GRIK3: variants seen among roughly 807,000 people sequenced by gnomAD.
The protein encoded by GRIK3 is glutamate receptor ionotropic, kainate 3.
In GRIK3, 29 loss-of-function variants were observed where a neutral mutation model predicts 102.5. The ratio of observed to expected loss-of-function variants is 0.28; its 90% CI spans 0.21 to 0.39. GRIK3 has a LOEUF of 0.39. GRIK3 is among the 10% of genes least tolerant of loss of function. The pLI is 1.00. For synonymous variants in GRIK3, 511 were observed against 504.9 expected, an observed-to-expected ratio of 1.01 and a Z score of -0.16; for missense variants, 908 against 1,252.4, an observed-to-expected ratio of 0.73 and a Z score of 4.15.
intron 15 of GRIK3, among the ~76,000 whole-genome samples, chr1:36,803,077 A>G (rs1642459570): frequency 6.6e-6 from 1 of 152,152 alleles, no homozygotes; most frequent in South Asian, 2.1e-4. Flanking sequence ...CACGTGAACA[A>G]ATAAATAATT....
Position 36,880,710 on chromosome 1 carries a change from C to A in GRIK3, c.474G>T (p.Ser158=). 6.2e-7 allele frequency: 1 copy of A among 1,614,102 alleles called. No homozygotes were observed. Among genetic ancestry groups the A allele is most frequent in the East Asian group, 2.2e-5 (1 of 44,880 alleles). ...FYVNLYPDYA[S]LSHAILDLVQ... ...CCAGGTCGAGGATGGCATGGCTGAG[C>A]GAGGCGTAGTCGGGGTAGAGGTTCA... The change falls in exon 3 of 16, where the codon TCG becomes TCT. Residue 158 remains serine (S), a synonymous_variant. Transcript: ENST00000373091. This position sits in a 1 kb window ranked among gnomAD's most constrained non-coding sequence, Gnocchi z 5.4.
chr1:36,848,304 C>A (rs769393615), intron 9 of GRIK3, among the ~76,000 whole-genome samples: 12 of 152,162 alleles, frequency 7.9e-5, no homozygotes, highest in African/African-American at 1.2e-4. Context: ...GACTGACTCA[C>A]CTTAGCTCAT....
chr1:36,879,560 G>C lies in GRIK3; in HGVS notation c.550+1074C>G, dbSNP rs945214332. On this transcript the variant is annotated intron_variant, in intron 3 of 15. Coordinates refer to ENST00000373091, the MANE Select transcript of GRIK3 (RefSeq NM_000831.4). ...AGGAAAAGCCAGAGTGCGTTTGCTG[G>C]GTTTGTTGGTGGTTATCTGCTAGGT... 1.4e-4 allele frequency among the ~76,000 whole-genome samples: 22 copies of C among 152,198 alleles called. 1 individual carries two copies. The highest frequency in any genetic ancestry group is 4.1e-4 in the South Asian group (2 of 4,826).
At chr1:36,894,260 G>A (rs1641148730) in intron 1 of GRIK3, among the ~76,000 whole-genome samples, 1 of 152,256 alleles carries the variant, frequency 6.6e-6, no homozygotes, top group Non-Finnish European at 1.5e-5. Context: ...GCAATAGGTG[G>A]TCTTTTCATC....
chr1:36,832,111 T>C (rs1451998520), intron 10 of GRIK3, among the ~76,000 whole-genome samples: 1 of 152,048 alleles, frequency 6.6e-6, no homozygotes, highest in Non-Finnish European at 1.5e-5. Context: ...ACCAGGCACT[T>C]GTCACTCCCA....
rs781035017 is a variant in GRIK3 at position 36,801,874 on chromosome 1, A to G, written c.2737T>C (p.Ser913Pro). ...PGKDSMACST[S>P]LAPVFP Reference sequence around the variant, plus strand: ...GCCTAGGGGAACACAGGGGCTAAGGATGTGCTGCAGGCCATGCTGTCCTTG... The same window carrying G: ...GCCTAGGGGAACACAGGGGCTAAGGGTGTGCTGCAGGCCATGCTGTCCTTG... The change falls in exon 16 of 16, where the codon TCC (serine) becomes CCC (proline). Residue 913 changes from serine (S) to proline (P), a missense_variant. Around this residue, in one of 3 missense-constraint regions of GRIK3, gnomAD observed 297 missense variants for 362.7 expected, o/e 0.82. Coordinates refer to ENST00000373091, the MANE Select transcript of GRIK3 (RefSeq NM_000831.4). The G allele has an allele frequency of 5.0e-6, 8 of 1,610,484 alleles. No individual in the cohort carries two copies. The highest frequency in any genetic ancestry group is 6.8e-6 in the Non-Finnish European group (8 of 1,178,174).
At chr1:36,851,504 G>A (rs1431895207) in intron 8 of GRIK3, among the ~76,000 whole-genome samples, 2 of 152,250 alleles carry the variant, frequency 1.3e-5, no homozygotes, top group African/African-American at 4.8e-5. Context: ...CTCACTTTGA[G>A]CGTGCCTAGC....
chr1:36,947,750 C>A (rs921984984), intron 1 of GRIK3, among the ~76,000 whole-genome samples: 1 of 152,114 alleles, frequency 6.6e-6, no homozygotes, highest in Non-Finnish European at 1.5e-5. Flanking sequence ...TCCTCCTGCC[C>A]CCCCATGAAG....
At chr1:36,835,847 C>T (rs1044331016) in intron 10 of GRIK3, among the ~76,000 whole-genome samples, 2 of 152,108 alleles carry the variant, frequency 1.3e-5, no homozygotes, top group Non-Finnish European at 2.9e-5. Context: ...CTGGTCTCTG[C>T]TCACTGAATT....
At chr1:36,997,622 C>T (rs979106490) in intron 1 of GRIK3, among the ~76,000 whole-genome samples, 3 of 152,162 alleles carry the variant, frequency 2.0e-5, no homozygotes, top group Non-Finnish European at 4.4e-5. Flanking sequence ...AAAGCTGTTG[C>T]CAGCTTCTGG....
At chr1:36,873,908 C>G (rs116424911) in intron 3 of GRIK3, among the ~76,000 whole-genome samples, 1 of 152,160 alleles carries the variant, frequency 6.6e-6, no homozygotes, top group Non-Finnish European at 1.5e-5. Context: ...AGGGTCCCCA[C>G]GTAGACCTCG....
At chr1:36,926,575 G>C (rs1166733400) in intron 1 of GRIK3, among the ~76,000 whole-genome samples, 1 of 152,052 alleles carries the variant, frequency 6.6e-6, no homozygotes, top group Non-Finnish European at 1.5e-5. Flanking sequence ...ATTTTTAGTA[G>C]AGATGGGCTT....
In GRIK3 at chr1:36,896,180, A is replaced by G. The variant is rs370666856; in HGVS notation, c.116-5084T>C. Among the ~76,000 whole-genome samples the G allele has an allele frequency of 7.7e-4, 117 of 152,318 alleles. 2 individuals are homozygous for G. In the South Asian group the frequency reaches 0.023, roughly 30 times the overall value. On this transcript the variant is annotated intron_variant, in intron 1 of 15. Coordinates refer to ENST00000373091, the MANE Select transcript of GRIK3 (RefSeq NM_000831.4). ...ATATAGGTCAAAAACTTCAATCTACATACAAGAAGAACACTGAAGAAAGAA... is the reference window on the plus strand; with the variant it reads ...ATATAGGTCAAAAACTTCAATCTACGTACAAGAAGAACACTGAAGAAAGAA...
At position 36,805,008 on chromosome 1, in the gene GRIK3, G is replaced by C; in HGVS notation, c.2544C>G (p.Arg848=). The change falls in exon 15 of 16, where the codon CGC becomes CGG. Residue 848 remains arginine (R), a synonymous_variant. Coordinates refer to ENST00000373091, the MANE Select transcript of GRIK3 (RefSeq NM_000831.4). ...VAVGEFVYKL[R]KTAEREQRSF... ...TTACCTGCTCTCTCTCTGCTGTTTT[G>C]CGGAGCTTGTACACAAACTCGCCCA... 6.2e-7 allele frequency: 1 copy of C among 1,614,144 alleles called. No individual in the cohort carries two copies. The highest frequency in any genetic ancestry group is 8.5e-7 in the Non-Finnish European group (1 of 1,180,020).
At chr1:36,986,890 AG>A (rs1379489318) in intron 1 of GRIK3, among the ~76,000 whole-genome samples, 1 of 152,228 alleles carries the variant, frequency 6.6e-6, no homozygotes, top group Non-Finnish European at 1.5e-5. Context: ...AATTCTCCCC[AG>A]CCACTGAGCT....
chr1:36,913,315 A>C lies in GRIK3; in HGVS notation c.116-22219T>G, dbSNP rs578003258. 1.7e-3 allele frequency among the ~76,000 whole-genome samples: 265 copies of C among 152,298 alleles called. 1 individual carries two copies. Among genetic ancestry groups the C allele is most frequent in the Middle Eastern group, 3.4e-3 (1 of 292 alleles). Reference sequence around the variant, plus strand: ...ACAGACCTGCCCTGAGAAAGCCAGAAGGCCCAATCTAAGGTCACTCCAGAA... The same window carrying C: ...ACAGACCTGCCCTGAGAAAGCCAGACGGCCCAATCTAAGGTCACTCCAGAA... On this transcript the variant is annotated intron_variant, in intron 1 of 15. Coordinates refer to ENST00000373091, the MANE Select transcript of GRIK3 (RefSeq NM_000831.4).
chr1:37,002,279 T>C (rs78339811), intron 1 of GRIK3, among the ~76,000 whole-genome samples: 4,711 of 152,312 alleles, frequency 0.031, 257 homozygotes, highest in African/African-American at 0.11. Context: ...TGGTTGGGCA[T>C]ATAGTCAAAG....
At position 36,824,442 on chromosome 1, in the gene GRIK3, G is replaced by T. The variant is rs537567388; in HGVS notation, c.1754+1161C>A. ...GGCAGGGTGGCCATGGCAGCTTCAG[G>T]CCTCTGGCAGCACAGGGCCTGGGGA... On this transcript the variant is annotated intron_variant, in intron 11 of 15. Coordinates refer to ENST00000373091, the MANE Select transcript of GRIK3 (RefSeq NM_000831.4). 6.6e-4 allele frequency among the ~76,000 whole-genome samples: 100 copies of T among 152,280 alleles called. 1 individual carries two copies. The highest frequency in any genetic ancestry group is 1.2e-3 in the Non-Finnish European group (84 of 68,026).
chr1:36,858,851 G>A (rs542098382), intron 7 of GRIK3, among the ~76,000 whole-genome samples: 2 of 152,304 alleles, frequency 1.3e-5, no homozygotes, highest in African/African-American at 4.8e-5. Context: ...TCAAGCCCAC[G>A]CTGCATCTTG....
Sources: gnomAD v4.1 joint callset for allele counts (sites outside exome capture counted in the v4.1 genomes callset) on GRCh38, gnomAD v4.1.1 for gene constraint, gnomAD v4.1.1 regional missense constraint, Gnocchi (gnomAD v3.1) non-coding constraint, MANE v1.5 for transcripts, NCBI Gene and HGNC (gene_info 2026-07-23, HGNC 2026-07-21) for gene names.